Variants in TSPAN15 observed in about 807,000 individuals in gnomAD.
TSPAN15 encodes tetraspanin 15, also known as tetraspanin-15.
TSPAN15 carries 20 observed loss-of-function variants against 34.5 expected under a neutral mutation model. The observed-to-expected ratio is 0.58, with a 90% CI of 0.41 to 0.84. TSPAN15 has a LOEUF of 0.84. Among genes scored for constraint, TSPAN15 ranks in the 40% least tolerant of loss-of-function variants. TSPAN15 has a pLI of 0.00. For missense variants in TSPAN15, 313 were observed against 386.1 expected, an observed-to-expected ratio of 0.81 and a Z score of 1.59; for synonymous variants, 155 against 153.9, an observed-to-expected ratio of 1.01 and a Z score of -0.05.
At chr10:69,453,139 T>A (rs1257071475) in intron 1 of TSPAN15, among the ~76,000 whole-genome samples, 6 of 149,304 alleles carry the variant, frequency 4.0e-5, no homozygotes, top group Non-Finnish European at 9.0e-5. Context: ...AGATGAACAG[T>A]ATGTTTGGGG....
At chr10:69,532,103 C>T in the TSPAN15 span, among the ~76,000 whole-genome samples, 1 of 152,184 alleles carries the variant, frequency 6.6e-6, no homozygotes, top group East Asian at 1.9e-4. Flanking sequence ...TGAAAATGAC[C>T]ATACTGCCAA....
intron 5 of TSPAN15, among the ~76,000 whole-genome samples, chr10:69,503,779 G>C (rs1842261152): frequency 6.6e-6 from 1 of 152,232 alleles, no homozygotes; most frequent in Non-Finnish European, 1.5e-5. Context: ...GGCACAGGTG[G>C]TGATGGGAAG....
At chr10:69,502,800 G>C (rs1043484242) in intron 5 of TSPAN15, among the ~76,000 whole-genome samples, 2 of 152,132 alleles carry the variant, frequency 1.3e-5, no homozygotes, top group African/African-American at 2.4e-5. Context: ...TGTGTGCTAA[G>C]AGACTCATCC....
chr10:69,532,676 T>C, the TSPAN15 span, among the ~76,000 whole-genome samples: 1 of 152,068 alleles, frequency 6.6e-6, no homozygotes, highest in African/African-American at 2.4e-5. Flanking sequence ...AAAGATAAAT[T>C]GCTAGGACTT....
At chr10:69,544,799 C>T in the TSPAN15 span, among the ~76,000 whole-genome samples, 10 of 152,150 alleles carry the variant, frequency 6.6e-5, no homozygotes, top group African/African-American at 1.2e-4. Flanking sequence ...TCCAGTCTCC[C>T]GCTCTCCCTC....
At chr10:69,471,739 G>A (rs1483608940) in intron 1 of TSPAN15, among the ~76,000 whole-genome samples, 1 of 151,840 alleles carries the variant, frequency 6.6e-6, no homozygotes, top group African/African-American at 2.4e-5. Context: ...TCACAGAGCC[G>A]TGCCACCACA....
At chr10:69,503,012 A>C (rs1480639286) in intron 5 of TSPAN15, among the ~76,000 whole-genome samples, 3 of 152,180 alleles carry the variant, frequency 2.0e-5, no homozygotes, top group Admixed American at 1.3e-4. Flanking sequence ...ATATTTGTTC[A>C]ATGAACAAAT....
the TSPAN15 span, among the ~76,000 whole-genome samples, chr10:69,536,755 C>A: frequency 6.6e-6 from 1 of 152,066 alleles, no homozygotes; most frequent in Non-Finnish European, 1.5e-5. Context: ...GAGGACGAGG[C>A]GGGTGGATCA....
intron 5 of TSPAN15, among the ~76,000 whole-genome samples, chr10:69,499,680 A>C (rs1401359697): frequency 6.6e-6 from 1 of 152,244 alleles, no homozygotes; most frequent in Admixed American, 6.5e-5. Context: ...AAACAAAATA[A>C]GTAAAAGATA....
At chr10:69,457,740 CTTAAAGG>C (rs1478915187) in intron 1 of TSPAN15, among the ~76,000 whole-genome samples, 4 of 152,182 alleles carry the variant, frequency 2.6e-5, no homozygotes, top group African/African-American at 7.2e-5. Flanking sequence ...AGCTCTGACA[CTTAAAGG>C]TTAAGTGGCC....
At chr10:69,493,136 C>T (rs73275790) in intron 3 of TSPAN15, among the ~76,000 whole-genome samples, 2,481 of 152,342 alleles carry the variant, frequency 0.016, 65 homozygotes, top group African/African-American at 0.057. Flanking sequence ...GTCCCTTCAT[C>T]ACCCAGAGGA....
chr10:69,455,432 G>A (rs1317482536), intron 1 of TSPAN15, among the ~76,000 whole-genome samples: 1 of 152,076 alleles, frequency 6.6e-6, no homozygotes, highest in Non-Finnish European at 1.5e-5. Context: ...CTGTGTGTTG[G>A]CTACATAGAT....
the TSPAN15 span, among the ~76,000 whole-genome samples, chr10:69,521,921 A>G: frequency 1.4e-5 from 2 of 147,590 alleles, no homozygotes; most frequent in Admixed American, 1.4e-4. Flanking sequence ...CATTGGTTCT[A>G]TTTCTCTAGA....
intron 2 of TSPAN15, 100 bp downstream of exon 2, chr10:69,483,976 A>C: frequency 7.6e-7 from 1 of 1,316,088 alleles, no homozygotes; most frequent in Non-Finnish European, 1.0e-6. Context: ...TCCCTGCCTC[A>C]AACCACCTCC....
At chr10:69,504,567 C>A in intron 6 of TSPAN15, 82 bp downstream of exon 6, 2 of 1,450,540 alleles carry the variant, frequency 1.4e-6, no homozygotes, top group South Asian at 1.2e-5. Context: ...TTATTGAGGT[C>A]GGGGTCCTGG....
the TSPAN15 span, among the ~76,000 whole-genome samples, chr10:69,527,196 CAG>C: frequency 1.4e-5 from 2 of 148,008 alleles, no homozygotes; most frequent in African/African-American, 4.9e-5. Context: ...ACCTTTAAAA[CAG>C]GGGTGTCCAA....
At chr10:69,483,330 C>T (rs953631243) in intron 1 of TSPAN15, among the ~76,000 whole-genome samples, 36 of 152,196 alleles carry the variant, frequency 2.4e-4, no homozygotes, top group Non-Finnish European at 3.5e-4. Flanking sequence ...GGCTTGTAGA[C>T]GCTGCCTTCT....
At chr10:69,460,634 T>C (rs375877571) in intron 1 of TSPAN15, among the ~76,000 whole-genome samples, 1 of 152,150 alleles carries the variant, frequency 6.6e-6, no homozygotes, top group Non-Finnish European at 1.5e-5. Flanking sequence ...GCTGCCTGAC[T>C]GTGGTGGCCT....
At chr10:69,454,997 T>C (rs908573807) in intron 1 of TSPAN15, among the ~76,000 whole-genome samples, 1 of 151,974 alleles carries the variant, frequency 6.6e-6, no homozygotes, top group Non-Finnish European at 1.5e-5. Context: ...ACCCCGTCTT[T>C]ACTAAAAATA....
Sources: gnomAD v4.1 joint callset for allele counts (sites outside exome capture counted in the v4.1 genomes callset) on GRCh38, gnomAD v4.1.1 for gene constraint, MANE v1.5 for transcripts, NCBI Gene and HGNC (gene_info 2026-07-23, HGNC 2026-07-21) for gene names.